The following AGPS variants were observed in gnomAD, a reference collection of about 807,000 sequenced individuals.
The protein encoded by AGPS is alkyldihydroxyacetonephosphate synthase, peroxisomal.
A neutral mutation model predicts 90.7 loss-of-function variants in AGPS; 26 were observed. The observed-to-expected ratio is 0.29, with a 90% CI of 0.21 to 0.40. The LOEUF (loss-of-function observed/expected upper bound fraction) is 0.40. Ranked by LOEUF, AGPS falls within the 10% of genes least tolerant of loss-of-function variation. AGPS has a pLI of 1.00. For missense variants in AGPS, 540 were observed against 816.1 expected, an observed-to-expected ratio of 0.66 and a Z score of 4.12; for synonymous variants, 294 against 285.3, an observed-to-expected ratio of 1.03 and a Z score of -0.31.
At chr2:177,485,153 C>T (rs935363533) in intron 11 of AGPS, among the ~76,000 whole-genome samples, 4 of 152,146 alleles carry the variant, frequency 2.6e-5, no homozygotes, top group Non-Finnish European at 2.9e-5. Context: ...TCAGAGAGGT[C>T]GTGTTCAGTC....
intron 3 of AGPS, among the ~76,000 whole-genome samples, chr2:177,434,948 A>C (rs1439281627): frequency 6.9e-6 from 1 of 145,970 alleles, no homozygotes; most frequent in Non-Finnish European, 1.5e-5. Flanking sequence ...TAGTTTGTTC[A>C]TGTAGTTTCA....
At chr2:177,393,698 G>T (rs960082256) in intron 1 of AGPS, among the ~76,000 whole-genome samples, 2 of 152,060 alleles carry the variant, frequency 1.3e-5, no homozygotes, top group African/African-American at 2.4e-5. Context: ...GAGTCTAACC[G>T]ATGAGGGATG....
chr2:177,458,434 GA>G (rs1282836079), intron 8 of AGPS, among the ~76,000 whole-genome samples: 1 of 152,176 alleles, frequency 6.6e-6, no homozygotes, highest in African/African-American at 2.4e-5. Flanking sequence ...TGTATATTTA[GA>G]AAACCCCATC....
chr2:177,487,688 A>G (rs946383686), intron 11 of AGPS, among the ~76,000 whole-genome samples: 1 of 151,854 alleles, frequency 6.6e-6, no homozygotes, highest in African/African-American at 2.4e-5. Flanking sequence ...ATTTTAAATC[A>G]TTTTTTTTGT....
chr2:177,425,543 C>T (rs184279201), intron 2 of AGPS, among the ~76,000 whole-genome samples: 4 of 151,422 alleles, frequency 2.6e-5, no homozygotes, highest in Non-Finnish European at 1.5e-5. Flanking sequence ...CTCGCTTGAA[C>T]CCGGGAGGTG....
chr2:177,405,780 C>T (rs1204739425), intron 1 of AGPS, among the ~76,000 whole-genome samples: 1 of 149,406 alleles, frequency 6.7e-6, no homozygotes, highest in African/African-American at 2.5e-5. Flanking sequence ...GTCATTTCTT[C>T]TGCATTTTCT....
intron 11 of AGPS, among the ~76,000 whole-genome samples, chr2:177,489,992 T>C (rs1688203135): frequency 6.6e-6 from 1 of 152,186 alleles, no homozygotes; most frequent in Non-Finnish European, 1.5e-5. Flanking sequence ...GGAGTGAATT[T>C]AGAGCTCAAA....
chr2:177,516,080 CT>C (rs1395677026), intron 17 of AGPS, among the ~76,000 whole-genome samples: 4 of 152,112 alleles, frequency 2.6e-5, no homozygotes, highest in Non-Finnish European at 5.9e-5. Flanking sequence ...AATATTCCCA[CT>C]TAACAAACGT....
chr2:177,463,888 C>G (rs772240504), intron 9 of AGPS, among the ~76,000 whole-genome samples: 11 of 152,106 alleles, frequency 7.2e-5, no homozygotes, highest in Non-Finnish European at 1.3e-4. Context: ...AGTGTACATC[C>G]TAGTGTAATT....
intron 16 of AGPS, among the ~76,000 whole-genome samples, chr2:177,511,686 A>G (rs1249406317): frequency 6.6e-6 from 1 of 152,212 alleles, no homozygotes; most frequent in African/African-American, 2.4e-5. Context: ...AAGAATTTGA[A>G]AATATGCAGT....
chr2:177,395,725 G>A (rs1169126487), intron 1 of AGPS, among the ~76,000 whole-genome samples: 1 of 152,192 alleles, frequency 6.6e-6, no homozygotes, highest in Non-Finnish European at 1.5e-5. Flanking sequence ...TTTGTGATTT[G>A]TGTATTATTC....
intron 2 of AGPS, among the ~76,000 whole-genome samples, chr2:177,429,766 T>A (rs1049520447): frequency 2.0e-5 from 3 of 152,192 alleles, no homozygotes; most frequent in African/African-American, 7.2e-5. Flanking sequence ...GAGACCCCTG[T>A]TGGGAGCTCT....
chr2:177,406,167 C>T (rs1447782956), intron 1 of AGPS, among the ~76,000 whole-genome samples: 2 of 152,172 alleles, frequency 1.3e-5, no homozygotes, highest in Admixed American at 6.5e-5. Context: ...CTCATTGCCA[C>T]CAGCCTAGAT....
intron 10 of AGPS, among the ~76,000 whole-genome samples, chr2:177,476,441 G>C (rs1441504814): frequency 2.0e-5 from 3 of 151,980 alleles, no homozygotes; most frequent in Non-Finnish European, 4.4e-5. Context: ...ATTTAGTAGT[G>C]TATTGTTTAA....
At chr2:177,488,006 T>A (rs556453528) in intron 11 of AGPS, among the ~76,000 whole-genome samples, 27 of 152,254 alleles carry the variant, frequency 1.8e-4, no homozygotes, top group African/African-American at 6.3e-4. Flanking sequence ...AAGTTCTTAT[T>A]GTTTATCATA....
rs948011573 is a variant in AGPS, at chr2:177,419,498, T to C, written c.261-771T>C. 5.3e-5 allele frequency among the ~76,000 whole-genome samples: 8 copies of C among 151,880 alleles called. No individual in the cohort carries two copies. The East Asian group carries it at 1.5e-3, about 29-fold the overall frequency. On this transcript the variant is annotated intron_variant, in intron 1 of 19. Coordinates refer to ENST00000264167, the MANE Select transcript of AGPS (RefSeq NM_003659.4). ...TACTTCAGCATGATTGCTTTTTATG[T>C]TTTGTACAGGTCCAGACCTATCTAT...
intron 14 of AGPS, 70 bp from the exon 15 acceptor site, chr2:177,505,436 C>A (rs1688681262): frequency 7.5e-7 from 1 of 1,338,302 alleles, no homozygotes; most frequent in Non-Finnish European, 1.1e-6. Flanking sequence ...CTCTTGACAG[C>A]TTTTTGATAC....
At chr2:177,482,028 G>A (rs1260225348) in intron 10 of AGPS, 31 bp from the exon 11 acceptor site, 3 of 1,568,538 alleles carry the variant, frequency 1.9e-6, no homozygotes, top group Admixed American at 1.7e-5. Context: ...GTCATGTGAT[G>A]TACTGGATTA....
chr2:177,453,684 GT>G (rs1249451185), intron 8 of AGPS, among the ~76,000 whole-genome samples: 1 of 130,708 alleles, frequency 7.7e-6, no homozygotes, highest in African/African-American at 2.8e-5. Flanking sequence ...AAGAAAATCA[GT>G]AGTAATTTTT....
Sources: gnomAD v4.1 joint callset for allele counts (sites outside exome capture counted in the v4.1 genomes callset) on GRCh38, gnomAD v4.1.1 for gene constraint, MANE v1.5 for transcripts, NCBI Gene and HGNC (gene_info 2026-07-23, HGNC 2026-07-21) for gene names.